Variants in RALYL observed in about 807,000 individuals in gnomAD.
RALYL encodes RALY RNA binding protein like.
Under a neutral mutation model 35.1 loss-of-function variants are expected in RALYL, and 29 were observed. That is an observed-to-expected ratio of 0.83 (90% CI 0.61 to 1.13). The LOEUF (loss-of-function observed/expected upper bound fraction) is 1.13. Among genes scored for constraint, RALYL ranks in the 50% most tolerant of loss-of-function variants. The pLI is 0.00. For missense variants in RALYL, 359 were observed against 360.4 expected (o/e 1.00, Z 0.03); for synonymous variants, 120 against 127.6 (o/e 0.94, Z 0.40).
rs759401675 is a variant in RALYL at position 84,765,838 on chromosome 8, G to GA, written c.257-8729dup. On this transcript the variant is annotated intron_variant, in intron 2 of 8. Transcript: ENST00000521268. ...TAGACTTCTATTTAAACCTGATGAG[G>GA]AAAAAAAAAAAACCCTAAGAATAAA... 8.8e-3 allele frequency among the ~76,000 whole-genome samples: 1,213 copies of GA among 138,044 alleles called. 9 individuals carry two copies. Among genetic ancestry groups the GA allele is most frequent in the African/African-American group, 0.022 (846 of 38,160 alleles). 90.6% of individuals were successfully genotyped at this position (138,044 alleles called of 152,430 possible). A position where few individuals can be genotyped will look rare whatever the true frequency, so the allele number is the denominator to read the frequency against.
chr8:84,541,988 A>G (rs1041594375), intron 2 of RALYL, among the ~76,000 whole-genome samples: 16 of 152,106 alleles, frequency 1.1e-4, no homozygotes, highest in Non-Finnish European at 1.2e-4. Flanking sequence ...TTCCAAATAC[A>G]GTAGGACAAC....
At chr8:84,819,804 T>C (rs1828122487) in intron 4 of RALYL, among the ~76,000 whole-genome samples, 1 of 152,222 alleles carries the variant, frequency 6.6e-6, no homozygotes. Context: ...GTTCTGCTTA[T>C]AAAGAAAGCA....
intron 2 of RALYL, among the ~76,000 whole-genome samples, chr8:84,667,742 C>G (rs1015502403): frequency 6.6e-6 from 1 of 152,054 alleles, no homozygotes; most frequent in African/African-American, 2.4e-5. Flanking sequence ...TGATAACTTC[C>G]TTGTTTCTGG....
chr8:84,624,682 A>G (rs1039611860), intron 2 of RALYL, among the ~76,000 whole-genome samples: 3 of 152,190 alleles, frequency 2.0e-5, no homozygotes, highest in Non-Finnish European at 4.4e-5. Flanking sequence ...TTCACAGTCT[A>G]CAAGGATTAG....
intron 2 of RALYL, among the ~76,000 whole-genome samples, chr8:84,652,047 A>G (rs1828951607): frequency 6.6e-6 from 1 of 152,068 alleles, no homozygotes; most frequent in Non-Finnish European, 1.5e-5. Context: ...CAAAGGCCTA[A>G]AATGTCTCAT....
rs377286053 is a variant in RALYL, at chr8:84,349,701, T to C, written c.-24+165277T>C. On this transcript the variant is annotated intron_variant, in intron 1 of 8. Transcript: ENST00000521268. Reference sequence around the variant, plus strand: ...GTTCATTATAATATGCTTATTAGAATACAGAATTGACAAGAGTTCTGGGAA... The same window carrying C: ...GTTCATTATAATATGCTTATTAGAACACAGAATTGACAAGAGTTCTGGGAA... Among the ~76,000 whole-genome samples, 167 of 150,708 alleles carry C rather than the reference T, an allele frequency of 1.1e-3. 7 individuals carry two copies. The South Asian group carries it at 0.033, about 30-fold the overall frequency.
chr8:84,366,250 G>T (rs540045638), intron 1 of RALYL, among the ~76,000 whole-genome samples: 1 of 152,248 alleles, frequency 6.6e-6, no homozygotes, highest in Non-Finnish European at 1.5e-5. Context: ...GAGCACTAAC[G>T]CCATTAAAAC....
At chr8:84,786,192 T>C (rs1445407548) in intron 3 of RALYL, among the ~76,000 whole-genome samples, 1 of 152,248 alleles carries the variant, frequency 6.6e-6, no homozygotes, top group East Asian at 1.9e-4. Flanking sequence ...TATTCCACAG[T>C]ATACGTATAC....
intron 4 of RALYL, among the ~76,000 whole-genome samples, chr8:84,821,073 A>G (rs191994727): frequency 6.6e-6 from 1 of 152,328 alleles, no homozygotes; most frequent in East Asian, 1.9e-4. Context: ...AATTAAGCTT[A>G]CTTGAAGAGA....
In RALYL at chr8:84,415,397, G is replaced by A. The variant is rs565439809; in HGVS notation, c.-23-113902G>A. Among the ~76,000 whole-genome samples the A allele has an allele frequency of 1.3e-4, 20 of 151,960 alleles. 2 individuals are homozygous for A. In the South Asian group the frequency reaches 3.1e-3, roughly 24 times the overall value. Reference sequence around the variant, plus strand: ...TGGGATTACAGGCGCCTGCCACGACGCTTGGCTAATTTTTGTATCTTTAGT... The same window carrying A: ...TGGGATTACAGGCGCCTGCCACGACACTTGGCTAATTTTTGTATCTTTAGT... On this transcript the variant is annotated intron_variant, in intron 1 of 8. Coordinates refer to ENST00000521268, the MANE Select transcript of RALYL (RefSeq NM_173848.7).
intron 1 of RALYL, among the ~76,000 whole-genome samples, chr8:84,305,718 T>C (rs1417280422): frequency 6.6e-6 from 1 of 152,122 alleles, no homozygotes; most frequent in Admixed American, 6.5e-5. Flanking sequence ...GGAAAACAAG[T>C]TGGTTGGTAA....
chr8:84,293,654 G>A (rs372272431), intron 1 of RALYL, among the ~76,000 whole-genome samples: 24 of 152,248 alleles, frequency 1.6e-4, no homozygotes, highest in Admixed American at 4.6e-4. Context: ...GTAGCACAGC[G>A]TAGAAAACAC....
chr8:84,504,989 C>A (rs7822220), intron 1 of RALYL, among the ~76,000 whole-genome samples: 57,965 of 151,812 alleles, frequency 0.38, 11,167 homozygotes, highest in South Asian at 0.51. Flanking sequence ...TTAAACCATC[C>A]ATCTAAGTGA....
chr8:84,598,305 G>A (rs776760985), intron 2 of RALYL, among the ~76,000 whole-genome samples: 6 of 152,194 alleles, frequency 3.9e-5, no homozygotes, highest in Non-Finnish European at 8.8e-5. Flanking sequence ...CTACAGATGT[G>A]CACAATCATG....
At chr8:84,279,723 C>G (rs1176166475) in intron 1 of RALYL, among the ~76,000 whole-genome samples, 2 of 151,990 alleles carry the variant, frequency 1.3e-5, no homozygotes, top group African/African-American at 4.8e-5. Flanking sequence ...TAGCTTTTTC[C>G]TAGTATCACT....
chr8:84,759,000 G>A (rs936808049), intron 2 of RALYL, among the ~76,000 whole-genome samples: 3 of 152,088 alleles, frequency 2.0e-5, no homozygotes, highest in South Asian at 2.1e-4. Flanking sequence ...TCATTTTCTT[G>A]TCTTTTCCAA....
intron 1 of RALYL, among the ~76,000 whole-genome samples, chr8:84,363,405 A>G (rs1384694380): frequency 6.6e-6 from 1 of 152,150 alleles, no homozygotes; most frequent in East Asian, 1.9e-4. Flanking sequence ...AATGAGGTAA[A>G]CCTTCAGATG....
chr8:84,302,417 C>G (rs1429754214), intron 1 of RALYL, among the ~76,000 whole-genome samples: 1 of 152,188 alleles, frequency 6.6e-6, no homozygotes, highest in Non-Finnish European at 1.5e-5. Context: ...CCTCTTTTCT[C>G]TAAGCTGTAG....
intron 2 of RALYL, among the ~76,000 whole-genome samples, chr8:84,753,013 T>A (rs1369667125): frequency 6.6e-6 from 1 of 152,122 alleles, no homozygotes; most frequent in Non-Finnish European, 1.5e-5. Context: ...CAGCTTGCAT[T>A]GTGTGCCTGG....
Sources: allele counts gnomAD v4.1 joint callset (sites outside exome capture counted in the v4.1 genomes callset), GRCh38; gene constraint gnomAD v4.1.1; transcripts MANE v1.5; gene names NCBI Gene and HGNC (gene_info 2026-07-23, HGNC 2026-07-21).